Variants in CD99L2 observed in about 807,000 individuals in gnomAD.
CD99L2 encodes the protein CD99 antigen-like protein 2.
A neutral mutation model predicts 27.3 loss-of-function variants in CD99L2; 24 were observed. That is an observed-to-expected ratio of 0.88 (90% CI 0.64 to 1.24). CD99L2 has a LOEUF of 1.24. CD99L2 is among the 50% of genes most tolerant of loss of function. The pLI is 0.00. For missense variants in CD99L2, 255 were observed against 221.6 expected (o/e 1.15, Z -0.96); for synonymous variants, 97 against 87.9 (o/e 1.10, Z -0.58).
intron 1 of CD99L2, among the ~76,000 whole-genome samples, chrX:150,854,749 C>G: frequency 9.0e-6 from 1 of 111,030 alleles, no homozygotes; most frequent in African/African-American, 3.3e-5. Context: ...TCAGAAGGAA[C>G]CAACCCTGCC....
chrX:150,824,362 GAAGAAGAAGAAGAAGAAGA>G (rs1341214034), intron 2 of CD99L2, among the ~76,000 whole-genome samples: 12 of 73,250 alleles, frequency 1.6e-4, no homozygotes, highest in East Asian at 1.5e-3. Flanking sequence ...AAGGAAGAAG[GAAGAAGAAGAAGAAGAAGA>G]AAGAAGAAGA....
rs1375412420 is a variant in CD99L2, at chrX:150,784,113, G to A, written c.497-6631C>T. On this transcript the variant is annotated intron_variant, in intron 7 of 10. Transcript: ENST00000370377. ...AGCACAGAAGGAAGACTCTCCTTCT[G>A]GGGATAGGGAGAAAGGAAAGCAGCA... 3.6e-5 allele frequency among the ~76,000 whole-genome samples: 4 copies of A among 111,106 alleles called. No individual in the cohort carries two copies. In the East Asian group the frequency reaches 1.1e-3, roughly 32 times the overall value.
rs149402591 is a variant in CD99L2, at chrX:150,896,410, T to C, written c.67+2112A>G. Among the ~76,000 whole-genome samples, 81 of 112,169 alleles carry C rather than the reference T, an allele frequency of 7.2e-4. No homozygotes were observed. The East Asian group carries it at 0.012, about 17-fold the overall frequency. On this transcript the variant is annotated intron_variant, in intron 1 of 10. Transcript: ENST00000370377. ...TAGACTCCGTCTCAAAAAAATTAAT[T>C]AATTAATTAAAAATAATTTAAACAA...
At chrX:150,816,639 C>T (rs1261107282) in intron 2 of CD99L2, among the ~76,000 whole-genome samples, 1 of 110,723 alleles carries the variant, frequency 9.0e-6, no homozygotes, top group Non-Finnish European at 1.9e-5. Flanking sequence ...GTCAGTGTGG[C>T]GATTCCTCAG....
rs782337396 is a variant in CD99L2, at chrX:150,815,981, T to C, written c.202+26A>G. 4 of 1,201,135 alleles carry C rather than the reference T, an allele frequency of 3.3e-6. No individual in the cohort carries two copies. The South Asian group carries it at 7.0e-5, about 21-fold the overall frequency. On this transcript the variant is annotated intron_variant, in intron 3 of 10. Coordinates refer to ENST00000370377, the MANE Select transcript of CD99L2 (RefSeq NM_031462.4). Reference sequence around the variant, plus strand: ...GGAACTCCAGAGGGCCCTTCCTCACTGCCCTCCTTAAGGCAGCCACATTAC... The same window carrying C: ...GGAACTCCAGAGGGCCCTTCCTCACCGCCCTCCTTAAGGCAGCCACATTAC...
At chrX:150,829,833 C>T (rs2046414596) in intron 2 of CD99L2, among the ~76,000 whole-genome samples, 1 of 111,546 alleles carries the variant, frequency 9.0e-6, no homozygotes, top group African/African-American at 3.3e-5. Flanking sequence ...CTTGGCTTTA[C>T]TTTATAAGTA....
chrX:150,823,515 A>AC (rs1345785207), intron 2 of CD99L2, among the ~76,000 whole-genome samples: 2 of 110,761 alleles, frequency 1.8e-5, no homozygotes, highest in Non-Finnish European at 3.8e-5. Context: ...CAAACTCCTG[A>AC]CCCCAAGTGA....
chrX:150,817,955 G>C (rs1425694701), intron 2 of CD99L2, among the ~76,000 whole-genome samples: 7 of 109,841 alleles, frequency 6.4e-5, no homozygotes. Flanking sequence ...ACTAATATCA[G>C]ATAAGATTTA....
At chrX:150,884,930 A>G (rs2047384813) in intron 1 of CD99L2, among the ~76,000 whole-genome samples, 1 of 112,524 alleles carries the variant, frequency 8.9e-6, no homozygotes, top group African/African-American at 3.2e-5. Context: ...AAACAGTGGA[A>G]TAACATATAG....
intron 9 of CD99L2, 46 bp downstream of exon 9, chrX:150,776,128 G>C (rs1557419250): frequency 8.3e-7 from 1 of 1,198,901 alleles, no homozygotes; most frequent in East Asian, 3.0e-5. Context: ...TCCCTCCAAA[G>C]ACCTTGCCAG....
At chrX:150,804,983 C>T (rs373861663) in intron 4 of CD99L2, among the ~76,000 whole-genome samples, 7 of 111,467 alleles carry the variant, frequency 6.3e-5, no homozygotes, top group East Asian at 2.8e-4. Context: ...CACATGAGTT[C>T]GATACCAGCC....
At chrX:150,826,182 T>A (rs1469079557) in intron 2 of CD99L2, among the ~76,000 whole-genome samples, 1 of 111,850 alleles carries the variant, frequency 8.9e-6, no homozygotes, top group African/African-American at 3.2e-5. Context: ...ACACTGAATA[T>A]GCCAGCACCT....
At chrX:150,889,263 T>C (rs2047462572) in intron 1 of CD99L2, among the ~76,000 whole-genome samples, 1 of 112,719 alleles carries the variant, frequency 8.9e-6, no homozygotes, top group Non-Finnish European at 1.9e-5. Flanking sequence ...GCCCTTCAGA[T>C]CCACTCTCTG....
At chrX:150,863,601 T>A (rs781895497) in intron 1 of CD99L2, among the ~76,000 whole-genome samples, 1 of 111,963 alleles carries the variant, frequency 8.9e-6, no homozygotes, top group Non-Finnish European at 1.9e-5. Flanking sequence ...GTTTGTTTGC[T>A]TGTTTGTTTG....
intron 1 of CD99L2, among the ~76,000 whole-genome samples, chrX:150,859,238 C>T (rs1349402482): frequency 9.0e-6 from 1 of 111,657 alleles, no homozygotes; most frequent in Non-Finnish European, 1.9e-5. Flanking sequence ...CGGTGGCTCA[C>T]GCCTGTAATC....
intron 4 of CD99L2, among the ~76,000 whole-genome samples, chrX:150,807,550 C>A (rs1207763707): frequency 8.9e-6 from 1 of 112,424 alleles, no homozygotes; most frequent in Non-Finnish European, 1.9e-5. Flanking sequence ...GGAAAGGCCT[C>A]TCTAGTTCTC....
chrX:150,778,499 TGTGGGG>T (rs1251069869), intron 7 of CD99L2, among the ~76,000 whole-genome samples: 2 of 89,889 alleles, frequency 2.2e-5, no homozygotes, highest in Non-Finnish European at 4.3e-5. Context: ...GCTGTGCACA[TGTGGGG>T]GTGGGGGAAA....
chrX:150,869,834 C>T (rs1557422146), intron 1 of CD99L2, among the ~76,000 whole-genome samples: 1 of 111,129 alleles, frequency 9.0e-6, no homozygotes, highest in East Asian at 2.8e-4. Flanking sequence ...AAAAAAAACT[C>T]TTTCAAACAT....
intron 1 of CD99L2, among the ~76,000 whole-genome samples, chrX:150,860,811 CACAA>C (rs1427781306): frequency 6.3e-5 from 7 of 111,210 alleles, no homozygotes; most frequent in African/African-American, 2.3e-4. Context: ...CTGAAGAGTA[CACAA>C]ACAAATGGAA....
Sources: allele counts gnomAD v4.1 joint callset (sites outside exome capture counted in the v4.1 genomes callset), GRCh38; gene constraint gnomAD v4.1.1; transcripts MANE v1.5; gene names NCBI Gene and HGNC (gene_info 2026-07-23, HGNC 2026-07-21).